NKAIN2: variants seen among roughly 807,000 people sequenced by gnomAD.
The protein encoded by NKAIN2 is sodium/potassium-transporting ATPase subunit beta-1-interacting protein 2.
A neutral mutation model predicts 32.6 loss-of-function variants in NKAIN2; 14 were observed. The ratio of observed to expected loss-of-function variants is 0.43; its 90% CI spans 0.28 to 0.67. The LOEUF (loss-of-function observed/expected upper bound fraction) is 0.67, where lower values mean the gene tolerates loss of function less well. Among genes scored for constraint, NKAIN2 ranks in the 30% least tolerant of loss-of-function variants. The pLI is 0.17. For missense variants in NKAIN2, 198 were observed against 258.3 expected (o/e 0.77, Z 1.60); for synonymous variants, 80 against 87.2 (o/e 0.92, Z 0.46).
At chr6:124,653,909 C>A (rs1036047194) in intron 3 of NKAIN2, among the ~76,000 whole-genome samples, 9 of 152,076 alleles carry the variant, frequency 5.9e-5, no homozygotes, top group Non-Finnish European at 1.3e-4. Flanking sequence ...TAGCAGACAT[C>A]TCACTGTAGA....
chr6:124,688,104 G>A (rs73770531), intron 4 of NKAIN2, among the ~76,000 whole-genome samples: 10,507 of 152,022 alleles, frequency 0.069, 563 homozygotes, highest in African/African-American at 0.15. Flanking sequence ...TCCCAAATTT[G>A]ATGATAACAC....
At chr6:124,805,622 A>G (rs1174138275) in intron 5 of NKAIN2, among the ~76,000 whole-genome samples, 2 of 152,262 alleles carry the variant, frequency 1.3e-5, no homozygotes, top group East Asian at 1.9e-4. Context: ...CTCACCAGCA[A>G]TGGAACAAAG....
At chr6:124,167,693 A>G (rs1376773111) in intron 1 of NKAIN2, among the ~76,000 whole-genome samples, 1 of 152,178 alleles carries the variant, frequency 6.6e-6, no homozygotes, top group Non-Finnish European at 1.5e-5. Flanking sequence ...GATATGTCCC[A>G]TCAGTACCTA....
At chr6:124,186,066 G>A (rs1789710885) in intron 1 of NKAIN2, among the ~76,000 whole-genome samples, 1 of 150,252 alleles carries the variant, frequency 6.7e-6, no homozygotes, top group Non-Finnish European at 1.5e-5. Flanking sequence ...AGGATTACTT[G>A]AGGCCAGGAG....
At chr6:124,379,132 A>AGAGGGGAGGGGAGGGGAGGAGAGGG (rs1175186223) in intron 3 of NKAIN2, among the ~76,000 whole-genome samples, 1 of 42,746 alleles carries the variant, frequency 2.3e-5, no homozygotes, top group Non-Finnish European at 4.8e-5. Flanking sequence ...GGAGGGGAGG[A>AGAGGGGAGGGGAGGGGAGGAGAGGG]GAGGGGAGGG....
chr6:124,476,037 A>AGT (rs202003671), intron 3 of NKAIN2, among the ~76,000 whole-genome samples: 2,120 of 142,634 alleles, frequency 0.015, 43 homozygotes, highest in East Asian at 0.068. Flanking sequence ...TGTGTGAGAG[A>AGT]GTGTGTGTGT....
chr6:124,257,715 C>T (rs753416499), intron 1 of NKAIN2, among the ~76,000 whole-genome samples: 10 of 151,816 alleles, frequency 6.6e-5, no homozygotes, highest in Non-Finnish European at 1.3e-4. Flanking sequence ...TTATAAAGCA[C>T]TGCCTTGTGG....
intron 1 of NKAIN2, among the ~76,000 whole-genome samples, chr6:124,079,359 G>C (rs571111132): frequency 3.8e-4 from 58 of 152,146 alleles, no homozygotes; most frequent in Non-Finnish European, 6.0e-4. Flanking sequence ...CTTCAAATTA[G>C]TAAATTTAGA....
intron 1 of NKAIN2, among the ~76,000 whole-genome samples, chr6:124,011,801 A>G (rs534465079): frequency 1.3e-5 from 2 of 152,308 alleles, no homozygotes; most frequent in East Asian, 1.9e-4. Flanking sequence ...CCTAACTAGT[A>G]TATTCCTGCC....
intron 1 of NKAIN2, among the ~76,000 whole-genome samples, chr6:123,815,562 G>A (rs1773657928): frequency 6.6e-6 from 1 of 151,936 alleles, no homozygotes; most frequent in Non-Finnish European, 1.5e-5. Flanking sequence ...TTGCAAATCT[G>A]AAAAAAGCTA....
At chr6:123,811,380 T>G (rs1270792858) in intron 1 of NKAIN2, among the ~76,000 whole-genome samples, 1 of 64,158 alleles carries the variant, frequency 1.6e-5, no homozygotes, top group East Asian at 9.2e-4. Context: ...TTTACTAGCC[T>G]AGCCACTCAT....
rs185659839 is a variant in NKAIN2, at chr6:124,779,610, G to T, written c.475-11729G>T. On this transcript the variant is annotated intron_variant, in intron 4 of 6. Coordinates refer to ENST00000368417, the MANE Select transcript of NKAIN2 (RefSeq NM_001040214.3). ...GAGATGATAGCAAACATCATACAGA[G>T]ACCTGAGAAGTGCACCTTACTATTA... is the stretch of plus-strand genomic sequence containing the variant. Among the ~76,000 whole-genome samples, 933 of 152,218 alleles carry T rather than the reference G, an allele frequency of 6.1e-3. 7 individuals carry two copies. The highest frequency in any genetic ancestry group is 0.022 in the African/African-American group (894 of 41,546).
chr6:123,826,396 A>G (rs78950469), intron 1 of NKAIN2, among the ~76,000 whole-genome samples: 8 of 152,128 alleles, frequency 5.3e-5, no homozygotes, highest in Non-Finnish European at 1.0e-4. Flanking sequence ...ACCATTTTTA[A>G]ATGTACAATT....
In NKAIN2 at chr6:124,376,865, T is replaced by C. The variant is rs554150570; in HGVS notation, c.273+21518T>C. Among the ~76,000 whole-genome samples the C allele has an allele frequency of 3.3e-5, 5 of 152,090 alleles. No individual in the cohort carries two copies. In the South Asian group the frequency reaches 1.0e-3, roughly 32 times the overall value. ...TTTTATCTAGATGTATCCTAATTCA[T>C]AAAAAAAAGACGTTTCCTTTAAAAT... On this transcript the variant is annotated intron_variant, in intron 3 of 6. Transcript: ENST00000368417.
chr6:124,772,934 C>T (rs1456491778), intron 4 of NKAIN2, among the ~76,000 whole-genome samples: 1 of 152,086 alleles, frequency 6.6e-6, no homozygotes, highest in Non-Finnish European at 1.5e-5. Context: ...ACCCATGTAA[C>T]AAACAAGCAC....
chr6:124,010,350 G>T (rs556683363), intron 1 of NKAIN2, among the ~76,000 whole-genome samples: 14 of 151,884 alleles, frequency 9.2e-5, no homozygotes, highest in Non-Finnish European at 1.0e-4. Context: ...TAGTAACTGC[G>T]TGATCATCAC....
intron 3 of NKAIN2, among the ~76,000 whole-genome samples, chr6:124,558,425 G>T (rs1780559219): frequency 6.6e-6 from 1 of 151,826 alleles, no homozygotes; most frequent in Admixed American, 6.6e-5. Context: ...TTTCATCGTT[G>T]TTTTCCTTTT....
At chr6:124,359,853 T>C (rs954171575) in intron 3 of NKAIN2, among the ~76,000 whole-genome samples, 6 of 152,192 alleles carry the variant, frequency 3.9e-5, no homozygotes, top group African/African-American at 1.2e-4. Flanking sequence ...CTTGTGCCAG[T>C]TTTCAAAGGG....
rs1782244865 is a variant in NKAIN2 at position 124,048,395 on chromosome 6, AAAT to A, written c.55-234607_55-234605del. ...GCTGAGATGGTTTCATGAATATAAT[AAAT>A]AAGAAGAAAGGCAAGGAGAGCCCTG... On this transcript the variant is annotated intron_variant, in intron 1 of 6. Coordinates refer to ENST00000368417, the MANE Select transcript of NKAIN2 (RefSeq NM_001040214.3). 3.9e-5 allele frequency among the ~76,000 whole-genome samples: 6 copies of A among 152,140 alleles called. No individual in the cohort carries two copies. In the South Asian group the frequency reaches 1.2e-3, roughly 32 times the overall value.
Sources: allele counts gnomAD v4.1 joint callset (sites outside exome capture counted in the v4.1 genomes callset), GRCh38; gene constraint gnomAD v4.1.1; transcripts MANE v1.5; gene names NCBI Gene and HGNC (gene_info 2026-07-23, HGNC 2026-07-21).